The following RNF4 variants were observed in gnomAD, a reference collection of about 807,000 sequenced individuals.
RNF4 encodes the protein E3 ubiquitin-protein ligase RNF4.
Under a neutral mutation model 24.3 loss-of-function variants are expected in RNF4, and 7 were observed. That is an observed-to-expected ratio of 0.29 (90% CI 0.16 to 0.54). The LOEUF (loss-of-function observed/expected upper bound fraction) is 0.54. RNF4 is among the 20% of genes least tolerant of loss of function. RNF4 has a pLI of 0.95. For missense variants in RNF4, 209 were observed against 248.5 expected, an observed-to-expected ratio of 0.84 and a Z score of 1.07; for synonymous variants, 83 against 84.3, an observed-to-expected ratio of 0.98 and a Z score of 0.09.
intron 4 of RNF4, among the ~76,000 whole-genome samples, chr4:2,510,322 C>T (rs1736235458): frequency 6.6e-6 from 1 of 152,180 alleles, no homozygotes; most frequent in South Asian, 2.1e-4. Flanking sequence ...AACTCTTGAC[C>T]TCGAAGCATT....
intron 1 of RNF4, among the ~76,000 whole-genome samples, chr4:2,489,147 A>G (rs1403698758): frequency 2.0e-5 from 3 of 152,168 alleles, no homozygotes; most frequent in African/African-American, 7.2e-5. Flanking sequence ...GCCTGGCTCA[A>G]GAGATGTGCC....
intron 1 of RNF4, among the ~76,000 whole-genome samples, chr4:2,484,778 C>G (rs930226425): frequency 1.3e-5 from 2 of 152,184 alleles, no homozygotes; most frequent in African/African-American, 4.8e-5. Flanking sequence ...CCTCTCTGTC[C>G]TATACTCTGC....
At chr4:2,493,867 A>T (rs980345504) in intron 2 of RNF4, among the ~76,000 whole-genome samples, 3 of 151,346 alleles carry the variant, frequency 2.0e-5, no homozygotes, top group Middle Eastern at 3.2e-3. Context: ...TTTGAGACAG[A>T]GTCTTGCTCT....
intron 4 of RNF4, among the ~76,000 whole-genome samples, chr4:2,506,638 G>C (rs1469496316): frequency 2.0e-5 from 3 of 151,632 alleles, no homozygotes; most frequent in Admixed American, 6.6e-5. Context: ...TGCCATCACG[G>C]CTCACTGCAG....
At chr4:2,482,115 G>A (rs1735261957) in intron 1 of RNF4, among the ~76,000 whole-genome samples, 1 of 152,196 alleles carries the variant, frequency 6.6e-6, no homozygotes, top group African/African-American at 2.4e-5. Flanking sequence ...AAGAGTAGAA[G>A]AACATGTCTC....
Position 2,512,715 on chromosome 4 carries a change from C to A in RNF4, c.374+118C>A. On this transcript the variant is annotated intron_variant, in intron 6 of 7. Coordinates refer to ENST00000314289, the MANE Select transcript of RNF4 (RefSeq NM_002938.5). The surrounding 1 kb of genome is among the most constrained non-coding windows in gnomAD (Gnocchi z 4.1). Reference sequence around the variant, plus strand: ...CTGGAAGGGCTTGCCCAAGCCTCTACCCAGCATCTGGATACAGTTGGAACT... The same window carrying A: ...CTGGAAGGGCTTGCCCAAGCCTCTAACCAGCATCTGGATACAGTTGGAACT... The A allele has an allele frequency of 8.5e-7, 1 of 1,182,514 alleles. No individual in the cohort carries two copies. Among genetic ancestry groups the A allele is most frequent in the Non-Finnish European group, 1.2e-6 (1 of 851,892 alleles). The allele number at this position is 1,182,514 out of a possible 1,614,324, so 73.3% of individuals were successfully genotyped here.
chr4:2,512,625 C>A lies in RNF4; in HGVS notation c.374+28C>A. The A allele has an allele frequency of 1.2e-6, 2 of 1,611,116 alleles. No individual in the cohort carries two copies. Among genetic ancestry groups the A allele is most frequent in the South Asian group, 2.2e-5 (2 of 90,782 alleles). ...ACCAACGTGCCCCCAGCTCTGCTGC[C>A]GCCATGCTAGGATGTGGGGCCAGGG... On this transcript the variant is annotated intron_variant, in intron 6 of 7. Transcript: ENST00000314289. The surrounding 1 kb of genome is among the most constrained non-coding windows in gnomAD (Gnocchi z 4.1).
rs528035102 is a variant in RNF4 at position 2,473,082 on chromosome 4, G to A, written c.-158+3824G>A. On this transcript the variant is annotated intron_variant, in intron 1 of 7. Transcript: ENST00000314289. ...AGAATATTTGTGATTCATGGGAGGA[G>A]GTCAAAATATCAACATCAGCAGTTC... 3.1e-4 allele frequency among the ~76,000 whole-genome samples: 46 copies of A among 149,724 alleles called. No homozygotes were observed. In the South Asian group the frequency reaches 5.5e-3, roughly 18 times the overall value.
chr4:2,485,469 C>T (rs981008648), intron 1 of RNF4, among the ~76,000 whole-genome samples: 3 of 152,214 alleles, frequency 2.0e-5, no homozygotes, highest in African/African-American at 7.2e-5. Context: ...TGGGCCCTTT[C>T]TCCCTGGGTG....
chr4:2,469,388 G>A (rs1357000841), intron 1 of RNF4, 130 bp downstream of exon 1: 4 of 152,222 alleles, frequency 2.6e-5, no homozygotes, highest in Admixed American at 6.5e-5. Context: ...GGGACCTCGA[G>A]CCAGCTCTGG....
chr4:2,492,435 C>G (rs1735610790), intron 2 of RNF4, among the ~76,000 whole-genome samples: 1 of 152,256 alleles, frequency 6.6e-6, no homozygotes, highest in Non-Finnish European at 1.5e-5. Context: ...TCCCCCTGTC[C>G]CAGTTTATTC....
At chr4:2,503,802 G>C (rs17772769) in intron 4 of RNF4, among the ~76,000 whole-genome samples, 6,807 of 152,274 alleles carry the variant, frequency 0.045, 189 homozygotes, top group South Asian at 0.12. Flanking sequence ...TCTGGAAGCG[G>C]GGTAACCTTC....
At chr4:2,508,012 C>G (rs1236410203) in intron 4 of RNF4, among the ~76,000 whole-genome samples, 1 of 152,062 alleles carries the variant, frequency 6.6e-6, no homozygotes, top group Non-Finnish European at 1.5e-5. Flanking sequence ...CACTGCCATG[C>G]CCAGCTTATT....
At chr4:2,503,692 C>G (rs1443309966) in intron 4 of RNF4, among the ~76,000 whole-genome samples, 2 of 152,186 alleles carry the variant, frequency 1.3e-5, no homozygotes, top group African/African-American at 4.8e-5. Flanking sequence ...GCCTCTAATG[C>G]TAGTCACTGA....
chr4:2,483,677 T>C (rs997543156), intron 1 of RNF4, among the ~76,000 whole-genome samples: 43 of 151,838 alleles, frequency 2.8e-4, no homozygotes, highest in African/African-American at 1.0e-3. Context: ...GGTGGTGGGT[T>C]CCTGTAATCC....
At chr4:2,477,730 T>C (rs1387580834) in intron 1 of RNF4, among the ~76,000 whole-genome samples, 1 of 152,256 alleles carries the variant, frequency 6.6e-6, no homozygotes, top group African/African-American at 2.4e-5. Flanking sequence ...CATTTGGAAC[T>C]GGCTTTTGTA....
intron 1 of RNF4, among the ~76,000 whole-genome samples, chr4:2,488,587 G>T (rs1240465797): frequency 6.6e-6 from 1 of 152,184 alleles, no homozygotes; most frequent in Admixed American, 6.5e-5. Context: ...GGTGCTGTGG[G>T]GCTGAGTGTG....
chr4:2,474,805 A>G (rs1024223225), intron 1 of RNF4, among the ~76,000 whole-genome samples: 1 of 152,138 alleles, frequency 6.6e-6, no homozygotes, highest in African/African-American at 2.4e-5. Flanking sequence ...CAGGCGGATC[A>G]CCTCAGGTTG....
At chr4:2,472,377 A>C (rs1194240637) in intron 1 of RNF4, among the ~76,000 whole-genome samples, 1 of 152,230 alleles carries the variant, frequency 6.6e-6, no homozygotes, top group Non-Finnish European at 1.5e-5. Context: ...GGTCTCATGG[A>C]GATGAGTAAG....
Sources: gnomAD v4.1 joint callset for allele counts (sites outside exome capture counted in the v4.1 genomes callset) on GRCh38, gnomAD v4.1.1 for gene constraint, Gnocchi (gnomAD v3.1) non-coding constraint, MANE v1.5 for transcripts, NCBI Gene and HGNC (gene_info 2026-07-23, HGNC 2026-07-21) for gene names.